The following SI variants were observed in gnomAD, a reference collection of about 807,000 sequenced individuals.
SI encodes sucrase-isomaltase, intestinal.
In SI, 235 loss-of-function variants were observed where a neutral mutation model predicts 253.3. That is an observed-to-expected ratio of 0.93 (90% CI 0.83 to 1.03). The LOEUF (loss-of-function observed/expected upper bound fraction) is 1.03. Among genes scored for constraint, SI ranks in the 50% least tolerant of loss-of-function variants. SI has a pLI of 0.00. For missense variants in SI, 2,442 were observed against 2,211.1 expected, an observed-to-expected ratio of 1.10 and a Z score of -2.09; for synonymous variants, 819 against 712.0, an observed-to-expected ratio of 1.15 and a Z score of -2.39.
At chr3:165,041,196 C>A (rs1712810685) in intron 17 of SI, 102 bp from the exon 18 acceptor site, 1 of 1,005,884 alleles carries the variant, frequency 9.9e-7, no homozygotes, top group Non-Finnish European at 1.5e-6. Flanking sequence ...ACATAAATTT[C>A]AGCTTGTTTA....
At chr3:165,075,620 A>G (rs964803721) in intron 2 of SI, among the ~76,000 whole-genome samples, 1 of 151,980 alleles carries the variant, frequency 6.6e-6, no homozygotes, top group African/African-American at 2.4e-5. Context: ...TCCACCTTAC[A>G]TTAACGATTT....
chr3:165,042,933 C>T, intron 17 of SI, 126 bp downstream of exon 17: 1 of 725,232 alleles, frequency 1.4e-6, no homozygotes, highest in Non-Finnish European at 2.5e-6. Context: ...AGAGGGACTT[C>T]TAACAATGTC....
At chr3:165,016,455 T>C (rs899079295) in intron 31 of SI, among the ~76,000 whole-genome samples, 1 of 152,018 alleles carries the variant, frequency 6.6e-6, no homozygotes, top group Non-Finnish European at 1.5e-5. Context: ...GTACAGTATA[T>C]ACAGAAAGAG....
chr3:165,089,830 G>A, the SI span, among the ~76,000 whole-genome samples: 1 of 150,722 alleles, frequency 6.6e-6, no homozygotes, highest in Non-Finnish European at 1.5e-5. Flanking sequence ...TCTCCGGCAT[G>A]TAAGCATCTA....
chr3:164,991,365 T>G lies in SI; in HGVS notation c.5096A>C (p.Asn1699Thr), dbSNP rs553508042. ...ACAGTTCACTTACCTGTAAAATGTG[T>G]TTTGAGCTGGCTCTTGACATGGTAG... ...HILPCQEPAQ[N>T]TFYSRQKHMK... The change falls in exon 44 of 48, where the codon AAC becomes ACC. Residue 1699 changes from asparagine to threonine, a missense_variant. By Grantham distance (65) the Asn-to-Thr change is moderately conservative. Coordinates refer to ENST00000264382, the MANE Select transcript of SI (RefSeq NM_001041.4). 3.1e-6 allele frequency: 5 copies of G among 1,613,672 alleles called. No homozygotes were observed. The highest frequency in any genetic ancestry group is 4.2e-6 in the Non-Finnish European group (5 of 1,179,792).
chr3:164,998,785 C>A, intron 37 of SI, 112 bp from the exon 38 acceptor site: 1 of 868,898 alleles, frequency 1.2e-6, no homozygotes, highest in South Asian at 1.4e-5. Flanking sequence ...CTTATATTGT[C>A]ATTTATTACA....
intron 26 of SI, among the ~76,000 whole-genome samples, chr3:165,021,669 C>A (rs1711626307): frequency 6.6e-6 from 1 of 151,510 alleles, no homozygotes; most frequent in Non-Finnish European, 1.5e-5. Context: ...GCTAAATATT[C>A]TGTTGTATGG....
At chr3:165,026,205 T>C (rs1711910970) in intron 25 of SI, among the ~76,000 whole-genome samples, 1 of 151,294 alleles carries the variant, frequency 6.6e-6, no homozygotes, top group South Asian at 2.1e-4. Context: ...CAAAACAAAC[T>C]TTAAAGCAAC....
At chr3:165,067,215 A>T (rs920316092) in intron 6 of SI, 125 bp downstream of exon 6, 4 of 677,984 alleles carry the variant, frequency 5.9e-6, no homozygotes, top group Non-Finnish European at 9.7e-6. Flanking sequence ...CGTAATTTTT[A>T]TAAACCTATC....
intron 18 of SI, 29 bp from the exon 19 acceptor site, chr3:165,040,000 A>G: frequency 1.9e-6 from 3 of 1,539,344 alleles, no homozygotes; most frequent in African/African-American, 1.4e-5. Flanking sequence ...TTTAAAGTAT[A>G]ATAATGAAAA....
rs756313990 is a variant in SI, at chr3:165,016,131, G to C, written c.3760-51C>G. 15 of 1,501,636 alleles carry C rather than the reference G, an allele frequency of 1.0e-5. No homozygotes were observed. The South Asian group carries it at 1.7e-4, about 17-fold the overall frequency. 93.0% of individuals were successfully genotyped at this position (1,501,636 alleles called of 1,614,324 possible). On this transcript the variant is annotated intron_variant, in intron 31 of 47. Coordinates refer to ENST00000264382, the MANE Select transcript of SI (RefSeq NM_001041.4). ...TAGGGCAAAAAATACAAAATAGTAA[G>C]TGTATCATATTTTATCATACTTATA...
Position 164,998,580 on chromosome 3 carries a change from G to A in SI, c.4500C>T (p.Asp1500=), listed in dbSNP as rs553547580. 47 of 1,612,168 alleles carry A rather than the reference G, an allele frequency of 2.9e-5. No individual in the cohort carries two copies. In the African/African-American group the frequency reaches 3.1e-4, roughly 11 times the overall value. Residue 1500 remains aspartate (D), a synonymous_variant, in exon 38 of 48, where the codon GAC becomes GAT. Coordinates refer to ENST00000264382, the MANE Select transcript of SI (RefSeq NM_001041.4). ...CCATGTTGTCCCATCGTGCATAGTT[G>A]TCTCCAAGCCAGTGTCCTCCCCATC... The part of the protein sequence containing the change: ...SGRWGGHWLG[D]NYARWDNMDK...
At position 165,017,578 on chromosome 3, in the gene SI, A is replaced by G. The variant is rs779155501; in HGVS notation, c.3729T>C (p.Tyr1243=). Residue 1243 remains tyrosine (Y), a synonymous_variant, in exon 31 of 48, where the codon TAT becomes TAC. Transcript: ENST00000264382. ...GGATGTTAGCAGCCACCATAGCGTC[A>G]TATAATTCCCGAACCTCTGAAGTAT... ...YANTSEVREL[Y]DAMVAANIPY... The G allele has an allele frequency of 8.1e-5, 131 of 1,612,536 alleles. No homozygotes were observed. The highest frequency in any genetic ancestry group is 1.1e-4 in the Non-Finnish European group (127 of 1,178,954).
intron 5 of SI, among the ~76,000 whole-genome samples, 154 bp downstream of exon 5, chr3:165,068,568 T>C (rs1379660308): frequency 1.3e-5 from 2 of 152,122 alleles, no homozygotes; most frequent in Non-Finnish European, 2.9e-5. Flanking sequence ...AGAGACGGGG[T>C]TTCACCCTGT....
chr3:165,049,909 TA>T, intron 13 of SI, 34 bp from the exon 14 acceptor site: 6 of 1,272,904 alleles, frequency 4.7e-6, no homozygotes, highest in Non-Finnish European at 5.7e-6. Context: ...CAGCAGATTT[TA>T]CATAATTATA....
intron 3 of SI, among the ~76,000 whole-genome samples, chr3:165,070,380 GTT>G (rs1714499509): frequency 7.0e-6 from 1 of 143,858 alleles, no homozygotes; most frequent in Non-Finnish European, 1.5e-5. Flanking sequence ...GTGTGTGTGT[GTT>G]TGAGTATGTA....
At chr3:165,059,121 T>TGC (rs1713856405) in intron 11 of SI, 39 bp from the exon 12 acceptor site, 1 of 1,541,586 alleles carries the variant, frequency 6.5e-7, no homozygotes, top group Non-Finnish European at 8.7e-7. Context: ...TCTATTAACT[T>TGC]ACACGTGTAA....
In SI at chr3:165,008,017, A is replaced by G. The variant is rs1175775848; in HGVS notation, c.4180-19T>C. ...TCATATCCTTAAAAAAAGATGAAAG[A>G]AAAAGGTAAACAAAAGATAAATTTA... is the stretch of plus-strand genomic sequence containing the variant. On this transcript the variant is annotated intron_variant, in intron 35 of 47. Coordinates refer to ENST00000264382, the MANE Select transcript of SI (RefSeq NM_001041.4). 3 of 1,280,258 alleles carry G rather than the reference A, an allele frequency of 2.3e-6. No homozygotes were observed. The Admixed American group carries it at 5.1e-5, about 22-fold the overall frequency. The allele number at this position is 1,280,258 out of a possible 1,614,324, so 79.3% of individuals were successfully genotyped here.
At chr3:165,072,721 C>T (rs986871254) in intron 3 of SI, among the ~76,000 whole-genome samples, 1 of 151,998 alleles carries the variant, frequency 6.6e-6, no homozygotes, top group Admixed American at 6.6e-5. Flanking sequence ...TCCAGTTTTG[C>T]CTGTAAACTA....
Sources: gnomAD v4.1 joint callset for allele counts (sites outside exome capture counted in the v4.1 genomes callset) on GRCh38, gnomAD v4.1.1 for gene constraint, MANE v1.5 for transcripts, NCBI Gene and HGNC (gene_info 2026-07-23, HGNC 2026-07-21) for gene names.